The following SNX27 variants were observed in gnomAD, a reference collection of about 807,000 sequenced individuals.
SNX27 encodes sorting nexin-27.
SNX27 carries 22 observed loss-of-function variants against 71.6 expected under a neutral mutation model. That is an observed-to-expected ratio of 0.31 (90% CI 0.22 to 0.44). SNX27 has a LOEUF of 0.44. Ranked by LOEUF, SNX27 falls within the 20% of genes least tolerant of loss-of-function variation. The pLI is 1.00. For synonymous variants in SNX27, 269 were observed against 277.2 expected, an observed-to-expected ratio of 0.97 and a Z score of 0.29; for missense variants, 531 against 698.6, an observed-to-expected ratio of 0.76 and a Z score of 2.70.
At chr1:151,643,441 C>T (rs187732441) in intron 2 of SNX27, among the ~76,000 whole-genome samples, 15 of 149,232 alleles carry the variant, frequency 1.0e-4, no homozygotes, top group African/African-American at 3.7e-4. Flanking sequence ...ACTACAGGCA[C>T]ATAGCACTGC....
At position 151,694,280 on chromosome 1, in the gene SNX27, A is replaced by C. The variant is rs1006043016; in HGVS notation, c.1579-90A>C. On this transcript the variant is annotated intron_variant, in intron 11 of 11. Coordinates refer to ENST00000458013, the MANE Select transcript of SNX27 (RefSeq NM_001330723.2). ...TGTGGCCAATCAGATTGAGTCATCCAGGCATACCTTTTTAGCTTCTGTTTG... is the reference window on the plus strand; with the variant it reads ...TGTGGCCAATCAGATTGAGTCATCCCGGCATACCTTTTTAGCTTCTGTTTG... 10 of 1,533,814 alleles carry C rather than the reference A, an allele frequency of 6.5e-6. No individual in the cohort carries two copies. In the Admixed American group the frequency reaches 2.0e-4, roughly 31 times the overall value.
At chr1:151,691,823 T>C (rs1195948481) in intron 8 of SNX27, among the ~76,000 whole-genome samples, 2 of 152,214 alleles carry the variant, frequency 1.3e-5, no homozygotes, top group South Asian at 2.1e-4. Flanking sequence ...CTGTATCTTT[T>C]TGAAGTAGAG....
intron 10 of SNX27, 108 bp downstream of exon 10, chr1:151,693,147 A>T: frequency 6.8e-7 from 1 of 1,461,984 alleles, no homozygotes; most frequent in South Asian, 1.3e-5. Context: ...TTGTCTTGAG[A>T]TCCGAACCTG....
At chr1:151,671,506 G>C (rs1670451248) in intron 7 of SNX27, among the ~76,000 whole-genome samples, 1 of 151,946 alleles carries the variant, frequency 6.6e-6, no homozygotes, top group South Asian at 2.1e-4. Flanking sequence ...TAAATTGCTG[G>C]GTTACAGATG....
chr1:151,617,880 T>A (rs1395203397), intron 1 of SNX27, among the ~76,000 whole-genome samples: 9 of 2,002 alleles, frequency 4.5e-3, no homozygotes, highest in East Asian at 0.014. Flanking sequence ...TTAGAGCTGT[T>A]TTTTTTTTTT....
At chr1:151,653,037 C>T (rs1366250145) in intron 2 of SNX27, among the ~76,000 whole-genome samples, 4 of 151,628 alleles carry the variant, frequency 2.6e-5, no homozygotes, top group Admixed American at 6.6e-5. Flanking sequence ...AAGCAGTTCT[C>T]CTGCCTCAGC....
chr1:151,612,630 AC>A lies in SNX27; in HGVS notation c.311+123del, dbSNP rs1257923439. The A allele has an allele frequency of 2.5e-6, 2 of 785,098 alleles. No individual in the cohort carries two copies. The highest frequency in any genetic ancestry group is 3.4e-6 in the Non-Finnish European group (2 of 584,106). The allele number at this position is 785,098 out of a possible 1,614,324, so 48.6% of individuals were successfully genotyped here. A position where few individuals can be genotyped will look rare whatever the true frequency, so the allele number is the denominator to read the frequency against. On this transcript the variant is annotated intron_variant, in intron 1 of 11. Transcript: ENST00000458013. The surrounding 1 kb of genome is among the most constrained non-coding windows in gnomAD (Gnocchi z 5.2). ...CCCCGAGCTCCGAGCCGGCCTCCGG[AC>A]CCCCGCCCCTCAGGCCTCCGCAGCC...
intron 1 of SNX27, among the ~76,000 whole-genome samples, chr1:151,626,021 C>T (rs1253672290): frequency 6.6e-6 from 1 of 151,932 alleles, no homozygotes; most frequent in Admixed American, 6.6e-5. Context: ...CCCAGCTACT[C>T]TGGAGGCTGA....
At chr1:151,657,368 A>G (rs764701964) in intron 2 of SNX27, among the ~76,000 whole-genome samples, 5 of 152,058 alleles carry the variant, frequency 3.3e-5, no homozygotes, top group Admixed American at 6.6e-5. Context: ...GGGTTTCACC[A>G]TGTTGCCCAG....
intron 1 of SNX27, among the ~76,000 whole-genome samples, chr1:151,625,233 G>A (rs1328736864): frequency 6.6e-6 from 1 of 152,192 alleles, no homozygotes; most frequent in South Asian, 2.1e-4. Flanking sequence ...TAGGCCAGGC[G>A]CTGTGGCTGA....
At chr1:151,623,671 AT>A (rs1667781055) in intron 1 of SNX27, among the ~76,000 whole-genome samples, 1 of 152,108 alleles carries the variant, frequency 6.6e-6, no homozygotes, top group Admixed American at 6.5e-5. Flanking sequence ...AAGTGCTGGG[AT>A]TATAAGTATG....
At chr1:151,650,505 C>T (rs1226539923) in intron 2 of SNX27, among the ~76,000 whole-genome samples, 1 of 152,116 alleles carries the variant, frequency 6.6e-6, no homozygotes, top group East Asian at 1.9e-4. Context: ...TCTTGCCTTT[C>T]TGGAGGTTCT....
At chr1:151,684,151 T>G (rs1471907439) in intron 8 of SNX27, among the ~76,000 whole-genome samples, 1 of 152,222 alleles carries the variant, frequency 6.6e-6, no homozygotes, top group African/African-American at 2.4e-5. Context: ...AGCTTCCATT[T>G]CTGCAGTTGC....
intron 2 of SNX27, among the ~76,000 whole-genome samples, chr1:151,652,848 CTAA>C (rs1409753093): frequency 6.6e-6 from 1 of 151,706 alleles, no homozygotes; most frequent in African/African-American, 2.4e-5. Flanking sequence ...CACGGTTATT[CTAA>C]TAATATGCTG....
intron 1 of SNX27, among the ~76,000 whole-genome samples, chr1:151,623,384 C>T (rs1667768384): frequency 6.6e-6 from 1 of 152,144 alleles, no homozygotes; most frequent in South Asian, 2.1e-4. Flanking sequence ...TCGTGATCCG[C>T]CCACCTTGGC....
chr1:151,663,303 A>G (rs541896094), intron 5 of SNX27, among the ~76,000 whole-genome samples: 45 of 151,596 alleles, frequency 3.0e-4, no homozygotes, highest in African/African-American at 1.1e-3. Context: ...GGCGCCCACC[A>G]CCACGCCCGG....
At chr1:151,680,031 C>CTA in intron 7 of SNX27, 1 of 151,508 alleles carries the variant, frequency 6.6e-6, no homozygotes, top group South Asian at 2.1e-4. Flanking sequence ...CCTTTTAGTA[C>CTA]TATATGTTTT....
At chr1:151,656,810 CAT>C (rs769673473) in intron 2 of SNX27, among the ~76,000 whole-genome samples, 1 of 152,084 alleles carries the variant, frequency 6.6e-6, no homozygotes, top group Admixed American at 6.5e-5. Context: ...ACCACAAAGA[CAT>C]ATAATGTTGT....
chr1:151,652,205 GGGGAGAGGGAGA>G (rs771599637), intron 2 of SNX27, among the ~76,000 whole-genome samples: 744 of 62,256 alleles, frequency 0.012, 34 homozygotes, highest in Middle Eastern at 0.023. Flanking sequence ...GGGAGACCGT[GGGGAGAGGGAGA>G]GGGAGAGGGA....
Sources: gnomAD v4.1 joint callset for allele counts (sites outside exome capture counted in the v4.1 genomes callset) on GRCh38, gnomAD v4.1.1 for gene constraint, Gnocchi (gnomAD v3.1) non-coding constraint, MANE v1.5 for transcripts, NCBI Gene and HGNC (gene_info 2026-07-23, HGNC 2026-07-21) for gene names.